The following RBFOX1 variants were observed in gnomAD, a reference collection of about 807,000 sequenced individuals.
RBFOX1 encodes the protein RNA binding fox-1 homolog 1.
A neutral mutation model predicts 57.7 loss-of-function variants in RBFOX1; 8 were observed. That is an observed-to-expected ratio of 0.14 (90% CI 0.08 to 0.25). RBFOX1 has a LOEUF of 0.25. Among genes scored for constraint, RBFOX1 ranks in the 10% least tolerant of loss-of-function variants. RBFOX1 has a pLI of 1.00. For missense variants in RBFOX1, 611 were observed against 548.5 expected (o/e 1.11, Z -1.14); for synonymous variants, 326 against 222.4 (o/e 1.47, Z -4.15).
intron 3 of RBFOX1, among the ~76,000 whole-genome samples, chr16:6,895,464 ATATATATATATATATATATATATT>A (rs1567761538): frequency 2.4e-4 from 24 of 99,454 alleles, no homozygotes; most frequent in African/African-American, 7.8e-4. Flanking sequence ...ATATATATAT[ATATATATATATATATATATATATT>A]TATTCCCCTA....
intron 3 of RBFOX1, among the ~76,000 whole-genome samples, chr16:5,683,516 C>T (rs909961590): frequency 8.6e-5 from 13 of 151,938 alleles, no homozygotes; most frequent in South Asian, 2.1e-4. Flanking sequence ...TAATCAGCTT[C>T]CAGTGCATAT....
At chr16:5,756,166 C>G (rs76687137) in intron 3 of RBFOX1, among the ~76,000 whole-genome samples, 1,544 of 146,806 alleles carry the variant, frequency 0.011, 36 homozygotes, top group African/African-American at 0.037. Flanking sequence ...CATGCCTTCC[C>G]CTTTAGTGGG....
chr16:6,054,328 T>C (rs188982691), intron 1 of RBFOX1, among the ~76,000 whole-genome samples: 3 of 152,280 alleles, frequency 2.0e-5, no homozygotes, highest in African/African-American at 7.2e-5. Flanking sequence ...AAATAATATA[T>C]AAGTAATATT....
chr16:7,700,959 C>T (rs1308616629), intron 14 of RBFOX1, among the ~76,000 whole-genome samples: 2 of 152,074 alleles, frequency 1.3e-5, no homozygotes, highest in African/African-American at 2.4e-5. Flanking sequence ...ATTATGTATG[C>T]ATAGTTCTGA....
At chr16:5,876,774 C>T (rs549786177) in intron 4 of RBFOX1, among the ~76,000 whole-genome samples, 9 of 152,330 alleles carry the variant, frequency 5.9e-5, no homozygotes, top group Non-Finnish European at 1.2e-4. Context: ...CTCCAGCTCT[C>T]AGACTCTGTG....
At chr16:6,794,864 C>A (rs2083650190) in intron 3 of RBFOX1, among the ~76,000 whole-genome samples, 1 of 151,690 alleles carries the variant, frequency 6.6e-6, no homozygotes, top group African/African-American at 2.4e-5. Flanking sequence ...GGCTTTTTTC[C>A]CCCTATGAAA....
At chr16:5,490,757 C>T (rs1019830513) in intron 2 of RBFOX1, among the ~76,000 whole-genome samples, 1 of 152,138 alleles carries the variant, frequency 6.6e-6, no homozygotes, top group Non-Finnish European at 1.5e-5. Context: ...ATGAAGCTGC[C>T]GCGCCCCCTG....
At chr16:5,419,570 A>T (rs2067253475) in intron 1 of RBFOX1, among the ~76,000 whole-genome samples, 1 of 151,790 alleles carries the variant, frequency 6.6e-6, no homozygotes, top group Non-Finnish European at 1.5e-5. Context: ...GTGTCTTTGC[A>T]TCCTTCATTC....
intron 1 of RBFOX1, among the ~76,000 whole-genome samples, chr16:5,283,682 G>A (rs1229693136): frequency 1.3e-5 from 2 of 152,100 alleles, no homozygotes; most frequent in Non-Finnish European, 2.9e-5. Flanking sequence ...CCTTTGTTTT[G>A]GCAATTTTCT....
chr16:5,692,568 G>C (rs1300825800), intron 3 of RBFOX1, among the ~76,000 whole-genome samples: 1 of 152,192 alleles, frequency 6.6e-6, no homozygotes, highest in Non-Finnish European at 1.5e-5. Flanking sequence ...CAGCAAATTA[G>C]TGTTGTTTTA....
At chr16:6,718,729 C>T (rs1409247627) in intron 3 of RBFOX1, among the ~76,000 whole-genome samples, 4 of 152,190 alleles carry the variant, frequency 2.6e-5, no homozygotes, top group African/African-American at 9.6e-5. Flanking sequence ...GTACCACTCA[C>T]TGAAGGTAAC....
chr16:6,361,866 A>C (rs929377019), intron 2 of RBFOX1, among the ~76,000 whole-genome samples: 1 of 152,178 alleles, frequency 6.6e-6, no homozygotes, highest in African/African-American at 2.4e-5. Flanking sequence ...CAGGATCAAA[A>C]GAACCTTTCA....
chr16:5,778,707 C>A (rs1345178342), intron 3 of RBFOX1, among the ~76,000 whole-genome samples: 1 of 152,102 alleles, frequency 6.6e-6, no homozygotes, highest in Non-Finnish European at 1.5e-5. Context: ...GGTGGGGATC[C>A]CTTCTTCACT....
At chr16:7,065,340 T>G (rs191281170) in intron 4 of RBFOX1, among the ~76,000 whole-genome samples, 8 of 152,174 alleles carry the variant, frequency 5.3e-5, no homozygotes, top group Admixed American at 3.3e-4. Flanking sequence ...GCACGTCTCA[T>G]CTTGAATGCC....
At chr16:6,536,784 T>C (rs540209125) in intron 2 of RBFOX1, among the ~76,000 whole-genome samples, 1 of 152,162 alleles carries the variant, frequency 6.6e-6, no homozygotes, top group Non-Finnish European at 1.5e-5. Context: ...TACAAGAAGT[T>C]AGTAACATTG....
At position 5,664,619 on chromosome 16, in the gene RBFOX1, A is replaced by G. The variant is rs546585689; in HGVS notation, c.318+65658A>G. Among the ~76,000 whole-genome samples the G allele has an allele frequency of 1.4e-4, 22 of 152,254 alleles. No homozygotes were observed. In the East Asian group the frequency reaches 4.1e-3, roughly 28 times the overall value. On this transcript the variant is annotated intron_variant, in intron 3 of 19. Coordinates refer to the RBFOX1 transcript ENST00000641259. Reference sequence around the variant, plus strand: ...GGACCCAGTAATCTGATATGCAGCAAACTCCCTAAGGGTTTATCCTACTTG... The same window carrying G: ...GGACCCAGTAATCTGATATGCAGCAGACTCCCTAAGGGTTTATCCTACTTG...
At chr16:7,018,947 C>T (rs183652025) in intron 3 of RBFOX1, among the ~76,000 whole-genome samples, 13 of 151,962 alleles carry the variant, frequency 8.6e-5, no homozygotes, top group South Asian at 2.1e-4. Flanking sequence ...AGTGAGACCT[C>T]GTCTCTACAA....
chr16:5,856,453 A>G (rs896982078), intron 3 of RBFOX1, among the ~76,000 whole-genome samples: 9 of 138,286 alleles, frequency 6.5e-5, no homozygotes, highest in Non-Finnish European at 9.3e-5. Flanking sequence ...TCACAAGACT[A>G]TGCATTAATG....
At chr16:5,916,651 C>G (rs757698553) in intron 4 of RBFOX1, among the ~76,000 whole-genome samples, 1 of 152,118 alleles carries the variant, frequency 6.6e-6, no homozygotes, top group Non-Finnish European at 1.5e-5. Flanking sequence ...AGAAGGGAGA[C>G]ATAATTCTCA....
Sources: allele counts gnomAD v4.1 joint callset (sites outside exome capture counted in the v4.1 genomes callset), GRCh38; gene constraint gnomAD v4.1.1; transcripts MANE v1.5; gene names NCBI Gene and HGNC (gene_info 2026-07-23, HGNC 2026-07-21).